The following PDE4D variants were observed in gnomAD, a reference collection of about 807,000 sequenced individuals.
PDE4D encodes the protein 3',5'-cyclic-AMP phosphodiesterase 4D.
PDE4D carries 24 observed loss-of-function variants against 87.4 expected under a neutral mutation model. The observed-to-expected ratio is 0.27, with a 90% CI of 0.20 to 0.39. The LOEUF is 0.39. Ranked by LOEUF, PDE4D falls within the 10% of genes least tolerant of loss-of-function variation. PDE4D has a pLI of 1.00. For missense variants in PDE4D, 714 were observed against 1,041.0 expected, an observed-to-expected ratio of 0.69 and a Z score of 4.32; for synonymous variants, 384 against 383.2, an observed-to-expected ratio of 1.00 and a Z score of -0.02.
chr5:60,067,774 T>C (rs1352197600), intron 2 of PDE4D, among the ~76,000 whole-genome samples: 2 of 152,154 alleles, frequency 1.3e-5, no homozygotes, highest in Non-Finnish European at 2.9e-5. Flanking sequence ...TTTGATTCTA[T>C]GAATTTGACT....
chr5:59,348,549 T>C (rs1404298166), intron 1 of PDE4D, among the ~76,000 whole-genome samples: 5 of 151,870 alleles, frequency 3.3e-5, no homozygotes, highest in Non-Finnish European at 7.4e-5. Flanking sequence ...ATAACAATTT[T>C]AGGGTTTTGT....
intron 1 of PDE4D, among the ~76,000 whole-genome samples, chr5:59,506,627 CT>C (rs1188076483): frequency 2.0e-5 from 3 of 151,750 alleles, no homozygotes; most frequent in Non-Finnish European, 2.9e-5. Context: ...AGCAAAATAG[CT>C]AGCTAAATGG....
chr5:60,051,417 T>A (rs1004916498), intron 2 of PDE4D, among the ~76,000 whole-genome samples: 5 of 152,086 alleles, frequency 3.3e-5, no homozygotes, highest in African/African-American at 1.2e-4. Flanking sequence ...GGAAACTGAA[T>A]AACCTGCTCC....
chr5:60,334,312 C>T lies in PDE4D; in HGVS notation c.-89-148625G>A, dbSNP rs113438805. Among the ~76,000 whole-genome samples the T allele has an allele frequency of 5.3e-5, 8 of 152,304 alleles. 1 individual carries two copies. The highest frequency in any genetic ancestry group is 1.9e-4 in the African/African-American group (8 of 41,564). The stretch of plus-strand genomic sequence containing the variant: ...CTTCTGATTTGATAACAACTCACCC[C>T]AGCCTGACTCCCAATGGACCCACCT... On this transcript the variant is annotated intron_variant, in intron 1 of 16. Coordinates refer to the PDE4D transcript ENST00000502484.
intron 2 of PDE4D, among the ~76,000 whole-genome samples, chr5:60,020,930 G>A (rs1314628839): frequency 6.6e-6 from 1 of 152,202 alleles, no homozygotes; most frequent in African/African-American, 2.4e-5. Flanking sequence ...TGAAGGAAGT[G>A]GAAGGTCAGC....
intron 1 of PDE4D, among the ~76,000 whole-genome samples, chr5:60,218,720 T>C (rs1384118152): frequency 6.6e-6 from 1 of 152,070 alleles, no homozygotes; most frequent in Non-Finnish European, 1.5e-5. Flanking sequence ...TATTTTAGGG[T>C]TGTTTGGGGA....
chr5:59,848,080 G>A (rs2152714654), intron 1 of PDE4D, among the ~76,000 whole-genome samples: 1 of 152,106 alleles, frequency 6.6e-6, no homozygotes, highest in South Asian at 2.1e-4. Flanking sequence ...GCTGAACTGT[G>A]AACATGTTTT....
intron 3 of PDE4D, among the ~76,000 whole-genome samples, chr5:59,902,472 A>G (rs956275043): frequency 2.0e-5 from 3 of 152,178 alleles, no homozygotes; most frequent in African/African-American, 7.2e-5. Context: ...AGTATTAAAA[A>G]TGGAAAGGTT....
At chr5:59,958,044 A>G (rs1759045666) in intron 3 of PDE4D, among the ~76,000 whole-genome samples, 1 of 152,158 alleles carries the variant, frequency 6.6e-6, no homozygotes, top group Admixed American at 6.5e-5. Context: ...TCTAGCAAAC[A>G]TTTATGGAGG....
At chr5:60,381,314 G>T (rs1761842537) in intron 1 of PDE4D, among the ~76,000 whole-genome samples, 1 of 152,182 alleles carries the variant, frequency 6.6e-6, no homozygotes, top group African/African-American at 2.4e-5. Flanking sequence ...ACACGGTATT[G>T]CTTGCAGAAT....
chr5:59,043,613 A>T (rs922249483), intron 5 of PDE4D, among the ~76,000 whole-genome samples: 8 of 152,182 alleles, frequency 5.3e-5, no homozygotes, highest in Admixed American at 1.3e-4. Flanking sequence ...TGTGCAGGTT[A>T]GTTTCATATG....
intron 1 of PDE4D, among the ~76,000 whole-genome samples, chr5:59,649,417 G>C (rs1240193729): frequency 6.6e-6 from 1 of 152,128 alleles, no homozygotes; most frequent in Admixed American, 6.5e-5. Flanking sequence ...GCAGGGCAGA[G>C]TGGTGAATGG....
At chr5:59,470,834 T>G (rs899566099) in intron 1 of PDE4D, among the ~76,000 whole-genome samples, 3 of 152,162 alleles carry the variant, frequency 2.0e-5, no homozygotes, top group Non-Finnish European at 2.9e-5. Flanking sequence ...AGAGATTTGT[T>G]TTTTCCTAAG....
intron 1 of PDE4D, among the ~76,000 whole-genome samples, chr5:60,333,554 G>C (rs1401344761): frequency 1.3e-5 from 2 of 152,140 alleles, no homozygotes. Context: ...TTCCAAATAT[G>C]GTTCCAACTC....
chr5:59,437,668 A>G (rs943673260), intron 1 of PDE4D, among the ~76,000 whole-genome samples: 5 of 152,094 alleles, frequency 3.3e-5, no homozygotes, highest in Non-Finnish European at 1.5e-5. Flanking sequence ...TGTACTATGT[A>G]TACACACAAG....
chr5:59,848,120 C>T (rs989089318), intron 1 of PDE4D, among the ~76,000 whole-genome samples: 2 of 151,944 alleles, frequency 1.3e-5, no homozygotes, highest in Non-Finnish European at 2.9e-5. Context: ...GGTTTTATCC[C>T]TAAAGCTATT....
At chr5:59,185,840 C>T (rs527420048) in intron 3 of PDE4D, among the ~76,000 whole-genome samples, 11 of 152,226 alleles carry the variant, frequency 7.2e-5, no homozygotes, top group African/African-American at 1.7e-4. Context: ...TAAAATGCTA[C>T]GCCCTGTACA....
chr5:59,120,761 A>C (rs66595668), intron 5 of PDE4D, among the ~76,000 whole-genome samples: 22,068 of 152,176 alleles, frequency 0.15, 1,679 homozygotes, highest in African/African-American at 0.19. Context: ...ATATCACACT[A>C]CCTGACTTCA....
At chr5:59,944,403 C>T (rs1581847019) in intron 3 of PDE4D, among the ~76,000 whole-genome samples, 1 of 151,472 alleles carries the variant, frequency 6.6e-6, no homozygotes, top group Non-Finnish European at 1.5e-5. Flanking sequence ...GACGGAGTCT[C>T]GCTCTGTCGC....
Sources: allele counts gnomAD v4.1 joint callset (sites outside exome capture counted in the v4.1 genomes callset), GRCh38; gene constraint gnomAD v4.1.1; transcripts MANE v1.5; gene names NCBI Gene and HGNC (gene_info 2026-07-23, HGNC 2026-07-21).